Variants in SLC2A13 observed in about 807,000 individuals in gnomAD.
The protein encoded by SLC2A13 is proton myo-inositol cotransporter.
In SLC2A13, 32 loss-of-function variants were observed where a neutral mutation model predicts 64.4. The observed-to-expected ratio is 0.50, with a 90% confidence interval of 0.37 to 0.67. SLC2A13 has a LOEUF of 0.67. Among genes scored for constraint, SLC2A13 ranks in the 30% least tolerant of loss-of-function variants. The pLI, the probability that SLC2A13 is intolerant of heterozygous loss-of-function variation, is 0.00. For missense variants in SLC2A13, 743 were observed against 829.2 expected (o/e 0.90, Z 1.28); for synonymous variants, 338 against 327.1 (o/e 1.03, Z -0.36).
chr12:39,910,301 G>A (rs1231602776), intron 4 of SLC2A13, among the ~76,000 whole-genome samples: 2 of 151,956 alleles, frequency 1.3e-5, no homozygotes, highest in Non-Finnish European at 2.9e-5. Flanking sequence ...TGAAGCAAAA[G>A]GTCTTTTCTT....
rs370213958 is a variant in SLC2A13 at position 39,905,324 on chromosome 12, A to G, written c.1035-33363T>C. ...CACAGATCCCAGATGTAATCTGCTCATAAACAGCCTGTAATACTGCTCATC... is the reference window on the plus strand; with the variant it reads ...CACAGATCCCAGATGTAATCTGCTCGTAAACAGCCTGTAATACTGCTCATC... On this transcript the variant is annotated intron_variant, in intron 4 of 9. Coordinates refer to ENST00000280871, the MANE Select transcript of SLC2A13 (RefSeq NM_052885.4). Among the ~76,000 whole-genome samples the G allele has an allele frequency of 5.9e-5, 9 of 152,246 alleles. No homozygotes were observed. The South Asian group carries it at 1.7e-3, about 28-fold the overall frequency.
chr12:40,047,463 T>C lies in SLC2A13; in HGVS notation c.716+588A>G, dbSNP rs573293413. Among the ~76,000 whole-genome samples, 5 of 152,302 alleles carry C rather than the reference T, an allele frequency of 3.3e-5. 1 individual carries two copies. Among genetic ancestry groups the C allele is most frequent in the African/African-American group, 9.6e-5 (4 of 41,590 alleles). On this transcript the variant is annotated intron_variant, in intron 2 of 9. Coordinates refer to ENST00000280871, the MANE Select transcript of SLC2A13 (RefSeq NM_052885.4). ...ATATCAAAATCCAGAGCCCATAATA[T>C]CTTTTAAGCTTTAACATAAGATTTT...
chr12:40,063,056 T>A (rs975221703), intron 1 of SLC2A13, among the ~76,000 whole-genome samples: 2 of 152,180 alleles, frequency 1.3e-5, no homozygotes, highest in African/African-American at 4.8e-5. Flanking sequence ...TTATTTTATA[T>A]AGATACCCCT....
chr12:39,956,539 T>C (rs1216038994), intron 3 of SLC2A13, among the ~76,000 whole-genome samples: 1 of 152,166 alleles, frequency 6.6e-6, no homozygotes, highest in African/African-American at 2.4e-5. Flanking sequence ...TCAGGAAGGC[T>C]GACATGGTGA....
intron 7 of SLC2A13, among the ~76,000 whole-genome samples, chr12:39,769,516 GA>G (rs1293434494): frequency 1.5e-5 from 2 of 130,900 alleles, no homozygotes. Context: ...CAATATTTGA[GA>G]AAAGAAAGTT....
chr12:40,035,523 C>T (rs1947969926), intron 2 of SLC2A13, among the ~76,000 whole-genome samples: 1 of 152,176 alleles, frequency 6.6e-6, no homozygotes, highest in Non-Finnish European at 1.5e-5. Context: ...GACTGATACA[C>T]TTGATAATCA....
chr12:39,817,373 T>C (rs951390532), intron 7 of SLC2A13, among the ~76,000 whole-genome samples: 1 of 146,048 alleles, frequency 6.8e-6, no homozygotes, highest in Non-Finnish European at 1.5e-5. Context: ...ATCAGTTCCA[T>C]TACTGTTTCC....
chr12:40,053,013 T>C (rs1223861067), intron 1 of SLC2A13, among the ~76,000 whole-genome samples: 2 of 152,162 alleles, frequency 1.3e-5, no homozygotes, highest in Non-Finnish European at 2.9e-5. Context: ...TGGGCGCAGT[T>C]TGTTCATGCC....
intron 1 of SLC2A13, among the ~76,000 whole-genome samples, chr12:40,091,140 A>G (rs2136296811): frequency 6.6e-6 from 1 of 152,312 alleles, no homozygotes; most frequent in East Asian, 1.9e-4. Flanking sequence ...TTGTATAAAC[A>G]TGGCTAAACA....
At chr12:40,093,603 G>A (rs1005789095) in intron 1 of SLC2A13, among the ~76,000 whole-genome samples, 14 of 152,268 alleles carry the variant, frequency 9.2e-5, no homozygotes, top group African/African-American at 2.4e-4. Flanking sequence ...ACTTTAAGCC[G>A]AATGATCAAG....
chr12:40,060,815 A>G (rs1385109035), intron 1 of SLC2A13, among the ~76,000 whole-genome samples: 1 of 152,202 alleles, frequency 6.6e-6, no homozygotes, highest in African/African-American at 2.4e-5. Context: ...AGATGCAGGA[A>G]GAAATCAAGA....
At chr12:39,813,472 A>G (rs565609866) in intron 7 of SLC2A13, among the ~76,000 whole-genome samples, 2 of 152,334 alleles carry the variant, frequency 1.3e-5, no homozygotes, top group African/African-American at 4.8e-5. Flanking sequence ...CAAATTTCAG[A>G]TACCATATTT....
chr12:40,105,419 C>A lies in SLC2A13; in HGVS notation c.390G>T (p.Ala130=). The A allele has an allele frequency of 1.3e-6, 2 of 1,549,670 alleles. No homozygotes were observed. The highest frequency in any genetic ancestry group is 8.7e-7 in the Non-Finnish European group (1 of 1,147,906). The change falls in exon 1 of 10, where the codon GCG becomes GCT. Residue 130 remains alanine, a synonymous_variant. Coordinates refer to ENST00000280871, the MANE Select transcript of SLC2A13 (RefSeq NM_052885.4). This position sits in a 1 kb window ranked among gnomAD's most constrained non-coding sequence, Gnocchi z 4.2. The part of the protein sequence containing the change: ...QELLVSSTVG[A]AAVSALAGGA... Reference sequence around the variant, plus strand: ...CTCCGGCCAGCGCCGAGACGGCAGCCGCCCCCACCGTGCTGGACACCAGCA... The same window carrying A: ...CTCCGGCCAGCGCCGAGACGGCAGCAGCCCCCACCGTGCTGGACACCAGCA...
At chr12:39,968,536 C>T (rs974174687) in intron 3 of SLC2A13, among the ~76,000 whole-genome samples, 1 of 151,866 alleles carries the variant, frequency 6.6e-6, no homozygotes, top group Admixed American at 6.6e-5. Flanking sequence ...CTCTCTGAAC[C>T]CCATCTATGT....
At chr12:39,971,997 A>AAATAT (rs1375405006) in intron 3 of SLC2A13, among the ~76,000 whole-genome samples, 14 of 77,336 alleles carry the variant, frequency 1.8e-4, no homozygotes, top group African/African-American at 4.8e-4. Context: ...AAAAAAAAAA[A>AAATAT]ATATATATAT....
At chr12:39,951,448 C>T (rs1946228345) in intron 3 of SLC2A13, 83 bp from the exon 4 acceptor site, 1 of 1,107,818 alleles carries the variant, frequency 9.0e-7, no homozygotes, top group African/African-American at 1.6e-5. Context: ...ACAAATTTTC[C>T]TAAATCTTCA....
intron 5 of SLC2A13, among the ~76,000 whole-genome samples, chr12:39,866,775 G>T (rs763323233): frequency 6.6e-6 from 1 of 152,180 alleles, no homozygotes; most frequent in African/African-American, 2.4e-5. Context: ...CACAGCGCCC[G>T]GCCGAAAGAT....
intron 4 of SLC2A13, among the ~76,000 whole-genome samples, chr12:39,924,577 A>G (rs745568581): frequency 9.2e-5 from 14 of 152,126 alleles, no homozygotes; most frequent in Non-Finnish European, 1.5e-4. Flanking sequence ...CTAAGTATCT[A>G]CTATTTATCT....
intron 3 of SLC2A13, among the ~76,000 whole-genome samples, chr12:39,979,093 C>T (rs1946832845): frequency 6.6e-6 from 1 of 151,842 alleles, no homozygotes; most frequent in Non-Finnish European, 1.5e-5. Context: ...GGTATTCCAA[C>T]AGACCTGCAG....
Sources: allele counts gnomAD v4.1 joint callset (sites outside exome capture counted in the v4.1 genomes callset), GRCh38; gene constraint gnomAD v4.1.1; non-coding constraint Gnocchi (gnomAD v3.1); transcripts MANE v1.5; gene names NCBI Gene and HGNC (gene_info 2026-07-23, HGNC 2026-07-21).